The following PHLDB2 variants were observed in gnomAD, a reference collection of about 807,000 sequenced individuals.
PHLDB2 encodes the protein pleckstrin homology like domain family B member 2, also known as pleckstrin homology-like domain family B member 2.
Under a neutral mutation model 123.6 loss-of-function variants are expected in PHLDB2, and 71 were observed. The ratio of observed to expected loss-of-function variants is 0.57; its 90% CI spans 0.47 to 0.70. The LOEUF is 0.70. PHLDB2 is among the 30% of genes least tolerant of loss of function. The pLI is 0.00. For synonymous variants in PHLDB2, 547 were observed against 541.6 expected (o/e 1.01, Z -0.14); for missense variants, 1,446 against 1,519.5 (o/e 0.95, Z 0.80).
At chr3:111,793,026 G>A (rs1034326780) in intron 1 of PHLDB2, among the ~76,000 whole-genome samples, 3 of 152,196 alleles carry the variant, frequency 2.0e-5, no homozygotes, top group South Asian at 2.1e-4. Flanking sequence ...CAAGGCCCAT[G>A]GCGACCACTG....
intron 13 of PHLDB2, among the ~76,000 whole-genome samples, chr3:111,965,153 G>T (rs1311717309): frequency 2.0e-5 from 3 of 152,178 alleles, no homozygotes; most frequent in Non-Finnish European, 2.9e-5. Context: ...ATTCTTGCTA[G>T]CTGAAGAGAA....
At chr3:111,878,956 G>T (rs1445608271) in intron 1 of PHLDB2, among the ~76,000 whole-genome samples, 1 of 152,194 alleles carries the variant, frequency 6.6e-6, no homozygotes, top group Non-Finnish European at 1.5e-5. Context: ...CGGTTTTCCA[G>T]TATTTTATTG....
intron 2 of PHLDB2, among the ~76,000 whole-genome samples, chr3:111,850,738 G>T (rs1024692879): frequency 6.6e-6 from 1 of 151,936 alleles, no homozygotes; most frequent in Non-Finnish European, 1.5e-5. Flanking sequence ...CTCCAGCCTG[G>T]GCAAGAGAAC....
chr3:111,818,157 A>T (rs902857512), intron 1 of PHLDB2, among the ~76,000 whole-genome samples: 17 of 120,978 alleles, frequency 1.4e-4, no homozygotes, highest in African/African-American at 5.1e-4. Flanking sequence ...GAAATTTTTT[A>T]AAAAACTGGT....
At chr3:111,815,664 A>G (rs557698672) in intron 1 of PHLDB2, among the ~76,000 whole-genome samples, 1 of 152,216 alleles carries the variant, frequency 6.6e-6, no homozygotes, top group Non-Finnish European at 1.5e-5. Context: ...AGAGGCATTC[A>G]GTTTTATAAG....
At chr3:111,965,848 A>G (rs1310404298) in intron 13 of PHLDB2, among the ~76,000 whole-genome samples, 2 of 152,214 alleles carry the variant, frequency 1.3e-5, no homozygotes, top group African/African-American at 4.8e-5. Context: ...AACATTTTCA[A>G]GTTTTCACTT....
At chr3:111,744,564 C>T (rs2059652796) in intron 1 of PHLDB2, among the ~76,000 whole-genome samples, 1 of 152,158 alleles carries the variant, frequency 6.6e-6, no homozygotes, top group African/African-American at 2.4e-5. Flanking sequence ...TCAGAGAGGA[C>T]TTAGATATAA....
intron 1 of PHLDB2, among the ~76,000 whole-genome samples, chr3:111,739,029 G>C (rs1011600196): frequency 6.6e-6 from 1 of 152,176 alleles, no homozygotes; most frequent in Non-Finnish European, 1.5e-5. Flanking sequence ...CAAAATGGAG[G>C]CAGGGGATTG....
intron 1 of PHLDB2, among the ~76,000 whole-genome samples, chr3:111,765,708 C>T (rs1477677420): frequency 6.6e-6 from 1 of 152,158 alleles, no homozygotes; most frequent in African/African-American, 2.4e-5. Flanking sequence ...ATGGTGACAT[C>T]AGGGCTTGAA....
chr3:111,760,874 T>C (rs1258515107), intron 1 of PHLDB2, among the ~76,000 whole-genome samples: 1 of 152,134 alleles, frequency 6.6e-6, no homozygotes, highest in African/African-American at 2.4e-5. Flanking sequence ...AGTTCATTCA[T>C]AGCACTGCTT....
chr3:111,865,191 A>G (rs2065008435), intron 1 of PHLDB2, among the ~76,000 whole-genome samples: 1 of 152,250 alleles, frequency 6.6e-6, no homozygotes, highest in Admixed American at 6.5e-5. Context: ...TTGCAGAAGT[A>G]GCTTTTCAAA....
At chr3:111,819,937 A>G (rs1232018611) in intron 1 of PHLDB2, among the ~76,000 whole-genome samples, 1 of 152,246 alleles carries the variant, frequency 6.6e-6, no homozygotes, top group Non-Finnish European at 1.5e-5. Flanking sequence ...CGCATCTGGC[A>G]TGGTATGAAA....
At chr3:111,924,134 C>T (rs1034875423) in intron 5 of PHLDB2, among the ~76,000 whole-genome samples, 21 of 152,310 alleles carry the variant, frequency 1.4e-4, no homozygotes, top group African/African-American at 4.8e-4. Context: ...GAATTCCCTT[C>T]CTCATATTCC....
chr3:111,840,404 T>C (rs867144002), intron 1 of PHLDB2, among the ~76,000 whole-genome samples: 1 of 152,182 alleles, frequency 6.6e-6, no homozygotes, highest in Admixed American at 6.6e-5. Context: ...ATTCCAGAAA[T>C]AAATCCTACC....
chr3:111,774,802 C>A (rs2060238252), intron 1 of PHLDB2, among the ~76,000 whole-genome samples: 1 of 152,082 alleles, frequency 6.6e-6, no homozygotes, highest in African/African-American at 2.4e-5. Flanking sequence ...TTTTCATGAT[C>A]CAGCTCTTTT....
At chr3:111,954,088 G>A in intron 12 of PHLDB2, 59 bp downstream of exon 12, 2 of 1,481,176 alleles carry the variant, frequency 1.4e-6, no homozygotes, top group South Asian at 2.4e-5. Context: ...ATTCTTCAGG[G>A]GGAGGAAGTG....
chr3:111,749,287 G>A (rs1316057027), intron 1 of PHLDB2, among the ~76,000 whole-genome samples: 1 of 151,920 alleles, frequency 6.6e-6, no homozygotes, highest in East Asian at 1.9e-4. Flanking sequence ...CTTAACTCAA[G>A]AGTTAAATAG....
At chr3:111,891,469 C>G (rs530317518) in intron 2 of PHLDB2, among the ~76,000 whole-genome samples, 1 of 151,730 alleles carries the variant, frequency 6.6e-6, no homozygotes, top group African/African-American at 2.4e-5. Context: ...TGATCTGTCA[C>G]TGTCTCCCAT....
intron 1 of PHLDB2, among the ~76,000 whole-genome samples, chr3:111,751,168 G>GTGT (rs2059765741): frequency 2.8e-5 from 4 of 144,046 alleles, no homozygotes; most frequent in Non-Finnish European, 1.5e-5. Context: ...GAGACAATGG[G>GTGT]GTGTGTGTGT....
Sources: gnomAD v4.1 joint callset for allele counts (sites outside exome capture counted in the v4.1 genomes callset) on GRCh38, gnomAD v4.1.1 for gene constraint, MANE v1.5 for transcripts, NCBI Gene and HGNC (gene_info 2026-07-23, HGNC 2026-07-21) for gene names.